KCNT2: variants seen among roughly 807,000 people sequenced by gnomAD.
KCNT2 encodes potassium sodium-activated channel subfamily T member 2.
In KCNT2, 67 loss-of-function variants were observed where a neutral mutation model predicts 153.8. That is an observed-to-expected ratio of 0.44 (90% CI 0.36 to 0.53). The LOEUF is 0.53. Among genes scored for constraint, KCNT2 ranks in the 20% least tolerant of loss-of-function variants. The pLI is 0.00. For synonymous variants in KCNT2, 500 were observed against 458.8 expected, an observed-to-expected ratio of 1.09 and a Z score of -1.15; for missense variants, 975 against 1,354.8, an observed-to-expected ratio of 0.72 and a Z score of 4.40.
At chr1:196,236,115 A>T (rs1571744586) in intron 26 of KCNT2, 45 bp from the exon 27 acceptor site, 1 of 980,838 alleles carries the variant, frequency 1.0e-6, no homozygotes, top group East Asian at 2.4e-5. Flanking sequence ...GCTTATAGAA[A>T]ATTACAGGAA....
Position 196,342,214 on chromosome 1 carries a change from G to T in KCNT2, c.1418C>A (p.Ser473Ter). The change falls in exon 15 of 28, where the codon TCG becomes TAG. Residue 473 changes from serine to a stop codon, truncating the protein, a stop_gained. Coordinates refer to ENST00000294725, the MANE Select transcript of KCNT2 (RefSeq NM_198503.5). LOFTEE classifies it high-confidence loss of function. Reference protein sequence around the residue: ...HTSRGQEGQQSPEQWQKMYGR... With the variant: ...HTSRGQEGQQ ...GTACATCTTCTGCCATTGTTCTGGC[G>T]ATTGCTGGCCTTCTCTGCAACACAG... 2.5e-6 allele frequency: 4 copies of T among 1,610,844 alleles called. No homozygotes were observed. Among genetic ancestry groups the T allele is most frequent in the Non-Finnish European group, 3.4e-6 (4 of 1,178,742 alleles).
intron 12 of KCNT2, among the ~76,000 whole-genome samples, chr1:196,401,093 C>T (rs138184179): frequency 6.6e-6 from 1 of 151,862 alleles, no homozygotes; most frequent in East Asian, 2.0e-4. Flanking sequence ...CTTTGGCTGA[C>T]CTCTGAACCA....
rs952854620 is a variant in KCNT2, at chr1:196,298,804, G to C, written c.2595+6430C>G. On this transcript the variant is annotated intron_variant, in intron 22 of 27. Coordinates refer to ENST00000294725, the MANE Select transcript of KCNT2 (RefSeq NM_198503.5). Reference sequence around the variant, plus strand: ...AGTCCCTTTGTTACCATAGCATCTAGTATGGTTGGAAAGTATGAATAACAA... The same window carrying C: ...AGTCCCTTTGTTACCATAGCATCTACTATGGTTGGAAAGTATGAATAACAA... Among the ~76,000 whole-genome samples, 6 of 146,318 alleles carry C rather than the reference G, an allele frequency of 4.1e-5. No individual in the cohort carries two copies. The East Asian group carries it at 1.0e-3, about 24-fold the overall frequency.
chr1:196,274,009 C>T (rs886253188), intron 25 of KCNT2, among the ~76,000 whole-genome samples: 3 of 151,534 alleles, frequency 2.0e-5, no homozygotes, highest in African/African-American at 7.3e-5. Flanking sequence ...TAATTATTGA[C>T]ATTCTATAAT....
At chr1:196,481,527 C>G (rs1359809027) in intron 4 of KCNT2, among the ~76,000 whole-genome samples, 1 of 152,220 alleles carries the variant, frequency 6.6e-6, no homozygotes, top group East Asian at 1.9e-4. Flanking sequence ...TAAAGTCTTT[C>G]TCTTTCCTCC....
At chr1:196,338,948 CAAAAAAA>C (rs976388530) in intron 16 of KCNT2, among the ~76,000 whole-genome samples, 7 of 37,734 alleles carry the variant, frequency 1.9e-4, no homozygotes, top group South Asian at 1.4e-3. Context: ...TGCTTTTTAG[CAAAAAAA>C]AAAAAAAAAA....
At chr1:196,341,156 G>A (rs1413011002) in intron 15 of KCNT2, among the ~76,000 whole-genome samples, 1 of 151,850 alleles carries the variant, frequency 6.6e-6, no homozygotes, top group Non-Finnish European at 1.5e-5. Flanking sequence ...TGAAAATATT[G>A]TTAAATAAAA....
At chr1:196,412,293 T>C (rs1672401751) in intron 12 of KCNT2, among the ~76,000 whole-genome samples, 1 of 151,746 alleles carries the variant, frequency 6.6e-6, no homozygotes, top group South Asian at 2.1e-4. Flanking sequence ...TCACTTCTAC[T>C]AGTAGATAAG....
intron 25 of KCNT2, among the ~76,000 whole-genome samples, chr1:196,258,868 G>A (rs1441248005): frequency 6.6e-6 from 1 of 151,918 alleles, no homozygotes; most frequent in Admixed American, 6.6e-5. Flanking sequence ...TCCATGTAAT[G>A]GACTTTTCTA....
At chr1:196,538,345 C>T (rs1655887350) in intron 1 of KCNT2, among the ~76,000 whole-genome samples, 3 of 152,032 alleles carry the variant, frequency 2.0e-5, no homozygotes, top group Admixed American at 2.0e-4. Flanking sequence ...AGCTGGGGAT[C>T]CTCTTCATGA....
At chr1:196,343,446 T>C (rs1312956297) in intron 14 of KCNT2, among the ~76,000 whole-genome samples, 1 of 152,134 alleles carries the variant, frequency 6.6e-6, no homozygotes, top group Admixed American at 6.6e-5. Flanking sequence ...ATATGATAAA[T>C]ATATAAAAAT....
At chr1:196,290,617 C>G (rs950809331) in intron 22 of KCNT2, among the ~76,000 whole-genome samples, 8 of 151,296 alleles carry the variant, frequency 5.3e-5, no homozygotes, top group African/African-American at 1.9e-4. Context: ...TGTTCCTGAG[C>G]TTCATTTATA....
intron 13 of KCNT2, among the ~76,000 whole-genome samples, chr1:196,385,769 A>AT (rs1669917979): frequency 2.7e-5 from 4 of 146,748 alleles, no homozygotes; most frequent in African/African-American, 1.0e-4. Context: ...TCTGCATTAA[A>AT]AAAATATATA....
intron 1 of KCNT2, among the ~76,000 whole-genome samples, chr1:196,493,923 C>A (rs938298157): frequency 1.3e-5 from 2 of 152,178 alleles, no homozygotes; most frequent in Admixed American, 1.3e-4. Flanking sequence ...AAGCAAGATT[C>A]TCTTTAGTTA....
intron 1 of KCNT2, among the ~76,000 whole-genome samples, chr1:196,496,613 G>A (rs772881820): frequency 1.6e-4 from 25 of 152,116 alleles, no homozygotes; most frequent in East Asian, 3.9e-4. Flanking sequence ...ATTAAATGTC[G>A]AAATAAATAT....
rs773639795 is a variant in KCNT2, at chr1:196,327,668, C to CTTTTTTTTTTTT, written c.2104-791_2104-780dup. On this transcript the variant is annotated intron_variant, in intron 18 of 27. Coordinates refer to ENST00000294725, the MANE Select transcript of KCNT2 (RefSeq NM_198503.5). ...TTTATCACCTCTGGAATATTCTGAT[C>CTTTTTTTTTTTT]TTTTTTTTTTTTTTTGAGACAGGGC... 2.5e-3 allele frequency among the ~76,000 whole-genome samples: 315 copies of CTTTTTTTTTTTT among 127,722 alleles called. 10 individuals carry two copies. Among genetic ancestry groups the CTTTTTTTTTTTT allele is most frequent in the African/African-American group, 6.0e-3 (183 of 30,678 alleles). The allele number at this position is 127,722 out of a possible 152,430, so 83.8% of individuals were successfully genotyped here.
chr1:196,275,305 G>C (rs1658451287), intron 25 of KCNT2, among the ~76,000 whole-genome samples: 1 of 151,692 alleles, frequency 6.6e-6, no homozygotes, highest in South Asian at 2.1e-4. Context: ...AGTTCTCCTG[G>C]CATGGAGGGC....
chr1:196,334,579 C>A (rs1424269649), intron 16 of KCNT2, among the ~76,000 whole-genome samples: 1 of 148,160 alleles, frequency 6.7e-6, no homozygotes, highest in Non-Finnish European at 1.5e-5. Flanking sequence ...GGTTCAAGCG[C>A]CCCCTTTTCT....
intron 1 of KCNT2, among the ~76,000 whole-genome samples, chr1:196,586,120 C>A (rs1662650631): frequency 6.6e-6 from 1 of 151,850 alleles, no homozygotes; most frequent in Admixed American, 6.6e-5. Flanking sequence ...AAAAATTATC[C>A]AGGCGTAGTG....
Sources: gnomAD v4.1 joint callset for allele counts (sites outside exome capture counted in the v4.1 genomes callset) on GRCh38, gnomAD v4.1.1 for gene constraint, MANE v1.5 for transcripts, NCBI Gene and HGNC (gene_info 2026-07-23, HGNC 2026-07-21) for gene names.